CENPU: variants seen among roughly 807,000 people sequenced by gnomAD.
The protein encoded by CENPU is KSHV latent nuclear antigen interacting protein 1.
CENPU carries 46 observed loss-of-function variants against 56.7 expected under a neutral mutation model. The ratio of observed to expected loss-of-function variants is 0.81; its 90% CI spans 0.64 to 1.04. The LOEUF (loss-of-function observed/expected upper bound fraction) is 1.04, where lower values mean the gene tolerates loss of function less well. Ranked by LOEUF, CENPU falls within the 50% of genes least tolerant of loss-of-function variation. The pLI is 0.00. For missense variants in CENPU, 510 were observed against 490.1 expected (o/e 1.04, Z -0.38); for synonymous variants, 166 against 163.0 (o/e 1.02, Z -0.14).
At chr4:184,725,763 G>GA (rs1761429136) in intron 3 of CENPU, among the ~76,000 whole-genome samples, 1 of 152,132 alleles carries the variant, frequency 6.6e-6, no homozygotes, top group African/African-American at 2.4e-5. Flanking sequence ...TGGGATGCCA[G>GA]AGCCTTTAGA....
chr4:184,717,748 T>C (rs1326449425), intron 4 of CENPU, among the ~76,000 whole-genome samples: 1 of 152,172 alleles, frequency 6.6e-6, no homozygotes, highest in Non-Finnish European at 1.5e-5. Context: ...CCAAAGATGG[T>C]GCAGAGTGAT....
At chr4:184,711,654 A>G (rs1191826525) in intron 7 of CENPU, among the ~76,000 whole-genome samples, 4 of 152,210 alleles carry the variant, frequency 2.6e-5, no homozygotes, top group Non-Finnish European at 2.9e-5. Flanking sequence ...TTAAACATTT[A>G]AACTTCTGGT....
At chr4:184,723,746 G>C (rs756962249) in intron 4 of CENPU, among the ~76,000 whole-genome samples, 2 of 150,570 alleles carry the variant, frequency 1.3e-5, no homozygotes, top group Non-Finnish European at 2.9e-5. Context: ...GGGAGGGTGA[G>C]GCAGGAGAAT....
At position 184,710,330 on chromosome 4, in the gene CENPU, T is replaced by C. The variant is rs1301570522; in HGVS notation, c.689-150A>G. On this transcript the variant is annotated intron_variant, in intron 7 of 12. Transcript: ENST00000281453. ...GAGAGGAGGTGCCGTACTCACTTCT[T>C]ATCCCTGTGCACAGTCTCGCAAACC... 1.5e-5 allele frequency: 8 copies of C among 520,972 alleles called. No homozygotes were observed. In the East Asian group the frequency reaches 2.2e-4, roughly 14 times the overall value. 32.3% of individuals were successfully genotyped at this position (520,972 alleles called of 1,614,324 possible). A position where few individuals can be genotyped will look rare whatever the true frequency, so the allele number is the denominator to read the frequency against.
chr4:184,722,210 A>G (rs1362133788), intron 4 of CENPU, among the ~76,000 whole-genome samples: 1 of 152,196 alleles, frequency 6.6e-6, no homozygotes, highest in Non-Finnish European at 1.5e-5. Flanking sequence ...GAAACACAAC[A>G]TACCAAAACC....
intron 8 of CENPU, 102 bp from the exon 9 acceptor site, chr4:184,702,543 A>G: frequency 1.5e-6 from 1 of 684,170 alleles, no homozygotes; most frequent in South Asian, 2.0e-5. Flanking sequence ...TTTGGCATAT[A>G]CCTTTTTTTA....
At chr4:184,703,480 T>TA (rs200139874) in intron 8 of CENPU, among the ~76,000 whole-genome samples, 89 of 150,994 alleles carry the variant, frequency 5.9e-4, no homozygotes, top group Admixed American at 1.1e-3. Flanking sequence ...TGGCTATTAT[T>TA]AAAAAAAAAC....
rs115368123 is a variant in CENPU at position 184,728,896 on chromosome 4, G to C, written c.214+22C>G. 1,011 of 1,539,064 alleles carry C rather than the reference G, an allele frequency of 6.6e-4. 4 individuals carry two copies. The African/African-American group carries it at 0.013, about 19-fold the overall frequency. ...TGTTGTTGCTTTAGAGTTATGTTAG[G>C]ATAAAGATTTAAAGTACTAACCAAA... On this transcript the variant is annotated intron_variant, in intron 3 of 12. Transcript: ENST00000281453.
intron 7 of CENPU, among the ~76,000 whole-genome samples, chr4:184,712,310 T>C (rs139456297): frequency 1.3e-5 from 2 of 152,232 alleles, no homozygotes; most frequent in East Asian, 3.9e-4. Context: ...GAAAGAAGCC[T>C]TACACAAAAG....
At chr4:184,713,314 C>G (rs759561801) in intron 6 of CENPU, among the ~76,000 whole-genome samples, 1 of 152,168 alleles carries the variant, frequency 6.6e-6, no homozygotes, top group African/African-American at 2.4e-5. Context: ...TTGCTTGAAC[C>G]TGGCGGGAAT....
intron 11 of CENPU, among the ~76,000 whole-genome samples, chr4:184,700,289 G>A (rs1300116894): frequency 4.8e-5 from 7 of 145,252 alleles, no homozygotes; most frequent in Non-Finnish European, 1.1e-4. Context: ...CATACCCTTC[G>A]ACAATAACAT....
rs151222865 is a variant in CENPU at position 184,702,394 on chromosome 4, T to A, written c.845A>T (p.Tyr282Phe). The A allele has an allele frequency of 6.2e-7, 1 of 1,612,268 alleles. No individual in the cohort carries two copies. Among genetic ancestry groups the A allele is most frequent in the Non-Finnish European group, 8.5e-7 (1 of 1,179,528 alleles). ...GATGAATTGTTCTTTAACATTAACA[T>A]AAAATGTGGCGATGGCTGCCTTACA... The part of the protein sequence containing the change: ...KVCKAAIATF[Y>F]VNVKEQFIKM... The change falls in exon 9 of 13, where the codon TAT becomes TTT. Residue 282 changes from tyrosine (Y) to phenylalanine (F), a missense_variant. Coordinates refer to ENST00000281453, the MANE Select transcript of CENPU (RefSeq NM_024629.4).
chr4:184,720,439 G>A (rs1761237654), intron 4 of CENPU, among the ~76,000 whole-genome samples: 1 of 152,134 alleles, frequency 6.6e-6, no homozygotes, highest in Non-Finnish European at 1.5e-5. Flanking sequence ...TTAAAGAAAG[G>A]TAGAGAAAAG....
At chr4:184,708,188 A>C (rs1238817675) in intron 8 of CENPU, among the ~76,000 whole-genome samples, 2 of 139,792 alleles carry the variant, frequency 1.4e-5, no homozygotes, top group Non-Finnish European at 3.0e-5. Flanking sequence ...GCGCTACGGC[A>C]CTCTAGCCTG....
At chr4:184,710,884 C>T (rs1760900255) in intron 7 of CENPU, among the ~76,000 whole-genome samples, 1 of 152,086 alleles carries the variant, frequency 6.6e-6, no homozygotes, top group Non-Finnish European at 1.5e-5. Flanking sequence ...GAGACAGGGT[C>T]TCACTCTGTT....
chr4:184,718,483 C>A (rs1422624034), intron 4 of CENPU, among the ~76,000 whole-genome samples: 2 of 152,302 alleles, frequency 1.3e-5, no homozygotes, highest in South Asian at 4.1e-4. Flanking sequence ...GGGAGCCCTA[C>A]CAGGAGGTGG....
intron 4 of CENPU, among the ~76,000 whole-genome samples, chr4:184,722,184 G>A (rs1259862481): frequency 2.0e-5 from 3 of 152,126 alleles, no homozygotes; most frequent in Admixed American, 6.5e-5. Context: ...AAATTTTCCT[G>A]AGACAAATGA....
At chr4:184,731,676 G>T (rs7680779) in intron 1 of CENPU, among the ~76,000 whole-genome samples, 2 of 152,010 alleles carry the variant, frequency 1.3e-5, no homozygotes, top group Non-Finnish European at 2.9e-5. Context: ...AAGGGTACGG[G>T]GGGGATACTC....
At position 184,730,877 on chromosome 4, in the gene CENPU, A is replaced by T. The variant is rs760749534; in HGVS notation, c.96+43T>A. 3 of 1,494,200 alleles carry T rather than the reference A, an allele frequency of 2.0e-6. No individual in the cohort carries two copies. In the South Asian group the frequency reaches 3.8e-5, roughly 19 times the overall value. The allele number at this position is 1,494,200 out of a possible 1,614,324, so 92.6% of individuals were successfully genotyped here. The stretch of plus-strand genomic sequence containing the variant: ...AGGTACCCAAAAAATGTTATTTTGT[A>T]CTGTCAATTTTGAGAAAACCACAAC... On this transcript the variant is annotated intron_variant, in intron 2 of 12. Coordinates refer to ENST00000281453, the MANE Select transcript of CENPU (RefSeq NM_024629.4).
Sources: gnomAD v4.1 joint callset for allele counts (sites outside exome capture counted in the v4.1 genomes callset) on GRCh38, gnomAD v4.1.1 for gene constraint, MANE v1.5 for transcripts, NCBI Gene and HGNC (gene_info 2026-07-23, HGNC 2026-07-21) for gene names.